Variants in PRKD1 observed in about 807,000 individuals in gnomAD.
PRKD1 encodes the protein serine/threonine-protein kinase D1.
A neutral mutation model predicts 95.9 loss-of-function variants in PRKD1; 63 were observed. The ratio of observed to expected loss-of-function variants is 0.66; its 90% CI spans 0.54 to 0.81. The LOEUF (loss-of-function observed/expected upper bound fraction) is 0.81. PRKD1 is among the 30% of genes least tolerant of loss of function. The pLI is 0.00. For synonymous variants in PRKD1, 425 were observed against 423.1 expected, an observed-to-expected ratio of 1.00 and a Z score of -0.05; for missense variants, 1,048 against 1,165.3, an observed-to-expected ratio of 0.90 and a Z score of 1.47.
chr14:29,868,205 T>C (rs1272692696), intron 1 of PRKD1, among the ~76,000 whole-genome samples: 1 of 152,198 alleles, frequency 6.6e-6, no homozygotes, highest in African/African-American at 2.4e-5. Context: ...TGCTGATGAC[T>C]GATGGTCAAT....
intron 16 of PRKD1, among the ~76,000 whole-genome samples, chr14:29,597,207 T>C (rs969415416): frequency 1.3e-5 from 2 of 152,188 alleles, no homozygotes; most frequent in Admixed American, 6.6e-5. Context: ...TTACTAATAA[T>C]TCATTATTAC....
chr14:29,818,641 C>G (rs75687413), intron 1 of PRKD1, among the ~76,000 whole-genome samples: 6,367 of 148,688 alleles, frequency 0.043, 311 homozygotes, highest in East Asian at 0.25. Flanking sequence ...GAAAAGTTCA[C>G]CTATGCTCCA....
At chr14:29,683,573 C>T (rs1319567813) in intron 2 of PRKD1, among the ~76,000 whole-genome samples, 8 of 152,032 alleles carry the variant, frequency 5.3e-5, no homozygotes, top group Non-Finnish European at 1.2e-4. Context: ...TTCTTCTGAG[C>T]CACGTAAAGA....
chr14:29,863,074 A>C (rs887978821), intron 1 of PRKD1, among the ~76,000 whole-genome samples: 1 of 152,216 alleles, frequency 6.6e-6, no homozygotes, highest in Admixed American at 6.5e-5. Flanking sequence ...AGAATTTCTT[A>C]CTGAATGGCT....
intron 1 of PRKD1, among the ~76,000 whole-genome samples, chr14:29,731,653 T>C (rs1391297197): frequency 1.3e-5 from 2 of 152,212 alleles, no homozygotes; most frequent in African/African-American, 4.8e-5. Context: ...GTACATTTTC[T>C]TGAAGAATTT....
intron 1 of PRKD1, among the ~76,000 whole-genome samples, chr14:29,798,634 T>C (rs1438009494): frequency 1.3e-5 from 2 of 152,210 alleles, no homozygotes; most frequent in African/African-American, 4.8e-5. Context: ...TATTCATAAT[T>C]GTAGTGCTCT....
At chr14:29,877,864 G>T (rs1420843982) in intron 1 of PRKD1, among the ~76,000 whole-genome samples, 1 of 152,144 alleles carries the variant, frequency 6.6e-6, no homozygotes, top group Non-Finnish European at 1.5e-5. Context: ...GTTCACTGCA[G>T]CACTATACAC....
intron 1 of PRKD1, among the ~76,000 whole-genome samples, chr14:29,898,127 T>G (rs1054320097): frequency 3.9e-5 from 6 of 152,126 alleles, no homozygotes; most frequent in South Asian, 2.1e-4. Flanking sequence ...TTTATACTGT[T>G]TTTGCTTTCG....
chr14:29,681,716 C>T (rs1258464489), intron 2 of PRKD1, among the ~76,000 whole-genome samples: 1 of 152,142 alleles, frequency 6.6e-6, no homozygotes, highest in African/African-American at 2.4e-5. Flanking sequence ...TAACTATACA[C>T]TTAAATATCT....
At chr14:29,738,383 G>A (rs1247148091) in intron 1 of PRKD1, among the ~76,000 whole-genome samples, 1 of 151,974 alleles carries the variant, frequency 6.6e-6, no homozygotes, top group Non-Finnish European at 1.5e-5. Flanking sequence ...GCCAAAGTAG[G>A]CAGAAAATGA....
intron 17 of PRKD1, 31 bp downstream of exon 17, chr14:29,578,244 C>T (rs1892628797): frequency 6.8e-7 from 1 of 1,473,472 alleles, no homozygotes; most frequent in Non-Finnish European, 9.3e-7. Flanking sequence ...GAAGCTCATT[C>T]AACTAAGAAA....
At chr14:29,698,191 TAAAC>T (rs931334054) in intron 2 of PRKD1, among the ~76,000 whole-genome samples, 5 of 152,136 alleles carry the variant, frequency 3.3e-5, no homozygotes, top group Middle Eastern at 3.2e-3. Flanking sequence ...ATTTGAAACA[TAAAC>T]AAATGTTTAT....
intron 1 of PRKD1, among the ~76,000 whole-genome samples, chr14:29,828,172 A>G (rs1388144008): frequency 1.3e-5 from 2 of 152,182 alleles, no homozygotes; most frequent in Non-Finnish European, 2.9e-5. Context: ...AGTAATTTAT[A>G]AAGAAAATAG....
chr14:29,618,779 TG>T (rs1879046776), intron 13 of PRKD1, among the ~76,000 whole-genome samples: 1 of 106,420 alleles, frequency 9.4e-6, no homozygotes, highest in Admixed American at 9.4e-5. Flanking sequence ...GAAAATGAAA[TG>T]GAAAAAAAAA....
chr14:29,853,876 C>T (rs1892401478), intron 1 of PRKD1, among the ~76,000 whole-genome samples: 1 of 152,046 alleles, frequency 6.6e-6, no homozygotes, highest in African/African-American at 2.4e-5. Context: ...CAGGAGTTTC[C>T]CTGCACAAGC....
chr14:29,705,813 T>C (rs1210090691), intron 2 of PRKD1, among the ~76,000 whole-genome samples: 3 of 152,170 alleles, frequency 2.0e-5, no homozygotes, highest in African/African-American at 7.2e-5. Context: ...TTCATTTTTA[T>C]AGCTAAATAA....
chr14:29,662,296 A>C (rs1272263912), intron 4 of PRKD1, among the ~76,000 whole-genome samples: 1 of 152,190 alleles, frequency 6.6e-6, no homozygotes, highest in Non-Finnish European at 1.5e-5. Flanking sequence ...TTGTAAAATC[A>C]CTAATTGCAA....
intron 4 of PRKD1, among the ~76,000 whole-genome samples, chr14:29,644,117 C>T (rs1020473847): frequency 9.9e-5 from 15 of 152,050 alleles, no homozygotes; most frequent in Non-Finnish European, 1.8e-4. Context: ...GTGGATGAGA[C>T]GTTTCAATAG....
intron 1 of PRKD1, among the ~76,000 whole-genome samples, chr14:29,856,196 C>T (rs1167769371): frequency 6.6e-6 from 1 of 152,154 alleles, no homozygotes; most frequent in Admixed American, 6.5e-5. Flanking sequence ...AAAATAGGTA[C>T]CAGCCTATGC....
Sources: gnomAD v4.1 joint callset for allele counts (sites outside exome capture counted in the v4.1 genomes callset) on GRCh38, gnomAD v4.1.1 for gene constraint, MANE v1.5 for transcripts, NCBI Gene and HGNC (gene_info 2026-07-23, HGNC 2026-07-21) for gene names.